Variants in TTC6 observed in about 807,000 individuals in gnomAD.
The protein encoded by TTC6 is tetratricopeptide repeat domain 6, also known as tetratricopeptide repeat protein 6.
A neutral mutation model predicts 210.4 loss-of-function variants in TTC6; 172 were observed. The observed-to-expected ratio is 0.82, with a 90% CI of 0.72 to 0.93. The LOEUF is 0.93. Among genes scored for constraint, TTC6 ranks in the 40% least tolerant of loss-of-function variants. TTC6 has a pLI of 0.00. For synonymous variants in TTC6, 804 were observed against 819.6 expected (o/e 0.98, Z 0.32); for missense variants, 2,414 against 2,318.1 (o/e 1.04, Z -0.85).
chr14:37,803,469 G>A (rs960961040), intron 20 of TTC6, among the ~76,000 whole-genome samples: 10 of 152,136 alleles, frequency 6.6e-5, no homozygotes, highest in East Asian at 1.9e-4. Context: ...AGATGACACC[G>A]TGGAGTAGTG....
At chr14:37,658,113 A>T (rs945278622) in intron 1 of TTC6, among the ~76,000 whole-genome samples, 4 of 152,218 alleles carry the variant, frequency 2.6e-5, no homozygotes, top group Non-Finnish European at 5.9e-5. Flanking sequence ...TAATTTCCAC[A>T]AATTTTTAAT....
At chr14:37,749,636 G>A (rs2095945951) in intron 11 of TTC6, 78 bp from the exon 14 acceptor site, 3 of 1,125,630 alleles carry the variant, frequency 2.7e-6, no homozygotes. Flanking sequence ...GGGATCAACC[G>A]TGTTTTAAAA....
chr14:37,752,256 A>G (rs922589448), intron 13 of TTC6, among the ~76,000 whole-genome samples: 3 of 152,058 alleles, frequency 2.0e-5, no homozygotes, highest in Non-Finnish European at 4.4e-5. Context: ...TTTAGAAGCA[A>G]TTATTTAAAT....
chr14:37,805,368 T>C (rs944213996), intron 21 of TTC6, among the ~76,000 whole-genome samples: 4 of 151,636 alleles, frequency 2.6e-5, no homozygotes, highest in Non-Finnish European at 5.9e-5. Flanking sequence ...GTAAAATAAT[T>C]GATACTATCC....
chr14:37,645,329 T>TG (rs2095699608), intron 1 of TTC6, among the ~76,000 whole-genome samples: 2 of 152,182 alleles, frequency 1.3e-5, no homozygotes, highest in African/African-American at 4.8e-5. Context: ...ACAACACACT[T>TG]ATTGGTCTCT....
chr14:37,823,620 A>G, intron 26 of TTC6, 127 bp from the exon 29 acceptor site: 1 of 833,616 alleles, frequency 1.2e-6, no homozygotes, highest in Non-Finnish European at 1.8e-6. Flanking sequence ...AATGGGTAAT[A>G]GAAATGGAGA....
At chr14:37,773,805 T>C (rs2096028448) in intron 14 of TTC6, among the ~76,000 whole-genome samples, 1 of 152,222 alleles carries the variant, frequency 6.6e-6, no homozygotes, top group South Asian at 2.1e-4. Flanking sequence ...ATCTCATTGG[T>C]AATTTGATAG....
At chr14:37,622,814 A>C (rs1038372343) in exon 1 of TTC6, 2 of 1,533,768 alleles carry the variant, frequency 1.3e-6, no homozygotes, top group African/African-American at 2.7e-5. Context: ...CCCAGGGAGA[A>C]CAGGAGAGCT....
chr14:37,735,284 G>A (rs1011824692), intron 7 of TTC6, among the ~76,000 whole-genome samples: 4 of 152,024 alleles, frequency 2.6e-5, no homozygotes, highest in African/African-American at 4.8e-5. Flanking sequence ...ATTTAAAAAA[G>A]CAAAGTAGTA....
intron 2 of TTC6, among the ~76,000 whole-genome samples, chr14:37,610,350 C>A (rs1041731730): frequency 7.2e-5 from 11 of 152,184 alleles, no homozygotes; most frequent in Non-Finnish European, 1.3e-4. Flanking sequence ...TTTGACTATT[C>A]ATGGCAACAA....
chr14:37,797,194 T>C (rs181529687), intron 20 of TTC6, among the ~76,000 whole-genome samples: 232 of 152,074 alleles, frequency 1.5e-3, no homozygotes, highest in Admixed American at 2.6e-3. Flanking sequence ...AGGAGTGCAA[T>C]TGGTGGTATG....
At chr14:37,764,678 T>C (rs574400795) in intron 14 of TTC6, among the ~76,000 whole-genome samples, 1 of 152,288 alleles carries the variant, frequency 6.6e-6, no homozygotes, top group South Asian at 2.1e-4. Flanking sequence ...AATTGAGTTT[T>C]TTTCCTAGAT....
chr14:37,662,072 T>C (rs950757094), intron 1 of TTC6, among the ~76,000 whole-genome samples: 6 of 152,192 alleles, frequency 3.9e-5, no homozygotes, highest in African/African-American at 1.4e-4. Context: ...TGGGGTTTTC[T>C]AGATATAGGA....
At chr14:37,709,860 T>A (rs996484218) in intron 5 of TTC6, among the ~76,000 whole-genome samples, 5 of 152,148 alleles carry the variant, frequency 3.3e-5, no homozygotes, top group African/African-American at 1.2e-4. Flanking sequence ...AAGCTATTTG[T>A]AGATTAATAT....
chr14:37,635,255 G>A (rs1455473669), intron 1 of TTC6, among the ~76,000 whole-genome samples: 2 of 152,146 alleles, frequency 1.3e-5, no homozygotes, highest in Non-Finnish European at 2.9e-5. Context: ...TTCCATTCTA[G>A]GAGACCGTGC....
At chr14:37,753,296 A>T in intron 14 of TTC6, 61 bp downstream of exon 16, 1 of 1,377,060 alleles carries the variant, frequency 7.3e-7, no homozygotes, top group Non-Finnish European at 9.7e-7. Context: ...ACATTTTCAG[A>T]ACAGAAAATT....
chr14:37,707,576 A>AG (rs1397417677), intron 5 of TTC6, among the ~76,000 whole-genome samples: 1 of 152,088 alleles, frequency 6.6e-6, no homozygotes, highest in African/African-American at 2.4e-5. Context: ...CAGTCTCTTA[A>AG]GACAATCGCT....
intron 1 of TTC6, among the ~76,000 whole-genome samples, chr14:37,625,875 A>T (rs1263485729): frequency 6.6e-6 from 1 of 152,206 alleles, no homozygotes; most frequent in African/African-American, 2.4e-5. Context: ...TGCAAAGAAT[A>T]CGGAGGGTTA....
intron 7 of TTC6, among the ~76,000 whole-genome samples, chr14:37,733,436 G>C (rs1595169649): frequency 1.3e-5 from 2 of 151,812 alleles, no homozygotes; most frequent in Non-Finnish European, 2.9e-5. Context: ...TGAAAACCCT[G>C]GTTTTTCTTA....
Sources: gnomAD v4.1 joint callset for allele counts (sites outside exome capture counted in the v4.1 genomes callset) on GRCh38, gnomAD v4.1.1 for gene constraint, MANE v1.5 for transcripts, NCBI Gene and HGNC (gene_info 2026-07-23, HGNC 2026-07-21) for gene names.